Variants in RGS21 observed in about 807,000 individuals in gnomAD.
The protein encoded by RGS21 is regulator of G-protein signalling 21.
Under a neutral mutation model 18.7 loss-of-function variants are expected in RGS21, and 19 were observed. The ratio of observed to expected loss-of-function variants is 1.01; its 90% CI spans 0.71 to 1.49. The LOEUF (loss-of-function observed/expected upper bound fraction) is 1.49, where lower values mean the gene tolerates loss of function less well. RGS21 is among the 40% of genes most tolerant of loss of function. RGS21 has a pLI of 0.00. For synonymous variants in RGS21, 56 were observed against 57.8 expected (o/e 0.97, Z 0.14); for missense variants, 194 against 176.8 (o/e 1.10, Z -0.55).
At chr1:192,346,879 T>G (rs977517404) in intron 2 of RGS21, among the ~76,000 whole-genome samples, 1 of 152,136 alleles carries the variant, frequency 6.6e-6, no homozygotes, top group Non-Finnish European at 1.5e-5. Context: ...TTGAACTCTT[T>G]TGAGATGCAT....
intron 1 of RGS21, among the ~76,000 whole-genome samples, chr1:192,320,319 T>C (rs943518406): frequency 5.9e-5 from 9 of 152,070 alleles, no homozygotes; most frequent in Non-Finnish European, 1.2e-4. Flanking sequence ...TATCACACAA[T>C]GACATTTGTT....
At chr1:192,321,668 A>T (rs1658499786) in intron 1 of RGS21, among the ~76,000 whole-genome samples, 1 of 152,032 alleles carries the variant, frequency 6.6e-6, no homozygotes, top group Non-Finnish European at 1.5e-5. Flanking sequence ...TTATAATATG[A>T]GCATAAGTTA....
chr1:192,350,221 CA>C (rs1659020683), intron 3 of RGS21, among the ~76,000 whole-genome samples: 1 of 152,144 alleles, frequency 6.6e-6, no homozygotes, highest in African/African-American at 2.4e-5. Context: ...TAACCTTTTG[CA>C]ATGACTTGTT....
chr1:192,339,584 A>C (rs1267452703), intron 1 of RGS21, among the ~76,000 whole-genome samples: 1 of 151,990 alleles, frequency 6.6e-6, no homozygotes, highest in East Asian at 1.9e-4. Context: ...CCAGATTTGA[A>C]ATCTGTTCCT....
Position 192,347,329 on chromosome 1 carries a change from T to G in RGS21, c.28T>G (p.Ser10Ala), listed in dbSNP as rs1158723261. 7 of 1,606,530 alleles carry G rather than the reference T, an allele frequency of 4.4e-6. No individual in the cohort carries two copies. Among genetic ancestry groups the G allele is most frequent in the Non-Finnish European group, 6.0e-6 (7 of 1,174,012 alleles). ...CAAGGTTAGATGCTGTTTCTACAGG[T>G]CACCAACTGCGGAAACAATGACATG... MPVKCCFYRSPTAETMTWSE... is the reference protein window; with the variant it reads MPVKCCFYRAPTAETMTWSE... Residue 10 changes from serine (S) to alanine (A), a missense_variant, in exon 3 of 5, where the codon TCA becomes GCA. By Grantham distance (99) the Ser-to-Ala change is moderately conservative (BLOSUM62 1). Coordinates refer to ENST00000417209, the MANE Select transcript of RGS21 (RefSeq NM_001039152.3).
chr1:192,366,064 T>G lies in RGS21; in HGVS notation c.399T>G (p.Tyr133Ter). ...CTCGATTTCTGAAGTCAGAGATTTA[T>G]AAAAAACTGGTAAATAGCCAACAGG... The part of the protein sequence containing the change: ...SFPRFLKSEI[Y>*]KKLVNSQQVP... Residue 133 changes from tyrosine (Y) to a stop codon, truncating the protein, a stop_gained, in exon 5 of 5, where the codon TAT becomes TAG. Coordinates refer to ENST00000417209, the MANE Select transcript of RGS21 (RefSeq NM_001039152.3). LOFTEE classifies it high-confidence loss of function. The G allele has an allele frequency of 6.2e-7, 1 of 1,611,958 alleles. No homozygotes were observed. The highest frequency in any genetic ancestry group is 8.5e-7 in the Non-Finnish European group (1 of 1,178,804).
At chr1:192,340,530 A>G (rs989547448) in intron 1 of RGS21, among the ~76,000 whole-genome samples, 2 of 152,080 alleles carry the variant, frequency 1.3e-5, no homozygotes, top group Non-Finnish European at 2.9e-5. Flanking sequence ...TTTTAAAGAG[A>G]GGAGTTCCCT....
At chr1:192,343,139 T>TGA (rs1175384648) in intron 2 of RGS21, 92 bp downstream of exon 2, 1 of 1,197,980 alleles carries the variant, frequency 8.3e-7, no homozygotes, top group African/African-American at 1.5e-5. Context: ...ATTTCCTTCA[T>TGA]TTATGATAAA....
At chr1:192,324,723 G>GA (rs1205198112) in intron 1 of RGS21, among the ~76,000 whole-genome samples, 8 of 151,824 alleles carry the variant, frequency 5.3e-5, no homozygotes, top group African/African-American at 1.9e-4. Flanking sequence ...TCCATCCATA[G>GA]AAAAAATTAC....
intron 1 of RGS21, among the ~76,000 whole-genome samples, chr1:192,337,017 A>G (rs1658777672): frequency 6.6e-6 from 1 of 152,148 alleles, no homozygotes; most frequent in Non-Finnish European, 1.5e-5. Context: ...TTTAATTTAT[A>G]TCATGGCTTT....
chr1:192,351,917 C>G (rs529410486), intron 3 of RGS21, 130 bp from the exon 4 acceptor site: 82 of 543,636 alleles, frequency 1.5e-4, no homozygotes, highest in Non-Finnish European at 2.5e-4. Flanking sequence ...ACATACATTA[C>G]ATTTAGATGC....
Position 192,366,151 on chromosome 1 carries a change from T to A in RGS21, c.*27T>A. 9.8e-7 allele frequency: 1 copy of A among 1,019,914 alleles called. No individual in the cohort carries two copies. Among genetic ancestry groups the A allele is most frequent in the Non-Finnish European group, 1.5e-6 (1 of 661,310 alleles). 63.2% of individuals were successfully genotyped at this position (1,019,914 alleles called of 1,614,324 possible). ...GAAGGTAAAAGTTAACTAATCACTA[T>A]ACTTCAGGGCTACAATATTTTAAAT... On this transcript the variant is annotated 3_prime_UTR_variant, in exon 5 of 5. Transcript: ENST00000417209.
At chr1:192,348,929 T>C in intron 3 of RGS21, among the ~76,000 whole-genome samples, 1 of 151,918 alleles carries the variant, frequency 6.6e-6, no homozygotes, top group Middle Eastern at 3.4e-3. Flanking sequence ...TATAAACATA[T>C]TATTTCTAAA....
intron 4 of RGS21, among the ~76,000 whole-genome samples, chr1:192,361,866 A>C (rs536598722): frequency 6.6e-6 from 1 of 152,196 alleles, no homozygotes; most frequent in Non-Finnish European, 1.5e-5. Context: ...GAGATTTTTA[A>C]ACCAAAATTG....
rs552702653 is a variant in RGS21, at chr1:192,338,290, A to G, written c.-60-4687A>G. Among the ~76,000 whole-genome samples the G allele has an allele frequency of 9.9e-5, 15 of 152,270 alleles. No individual in the cohort carries two copies. In the South Asian group the frequency reaches 2.7e-3, roughly 27 times the overall value. On this transcript the variant is annotated intron_variant, in intron 1 of 4. Transcript: ENST00000417209. The stretch of plus-strand genomic sequence containing the variant: ...CAGTAACTTGAGGCAAAGCAGAATC[A>G]AGAAAATATAATTTTCTCTTCCCAT...
chr1:192,329,712 C>T (rs1658618288), intron 1 of RGS21, among the ~76,000 whole-genome samples: 2 of 151,956 alleles, frequency 1.3e-5, no homozygotes, highest in South Asian at 4.1e-4. Context: ...AATCTTACTG[C>T]CTCAGGCAAT....
intron 4 of RGS21, among the ~76,000 whole-genome samples, chr1:192,357,674 C>T (rs1308553919): frequency 6.6e-6 from 1 of 151,810 alleles, no homozygotes; most frequent in Non-Finnish European, 1.5e-5. Context: ...CTAGATCTAC[C>T]ACTAATTTGA....
At chr1:192,357,796 A>T (rs1302393881) in intron 4 of RGS21, among the ~76,000 whole-genome samples, 1 of 152,042 alleles carries the variant, frequency 6.6e-6, no homozygotes, top group East Asian at 1.9e-4. Context: ...TTCTCTTCTC[A>T]TATTCTCTCT....
chr1:192,328,242 T>C (rs1658597121), intron 1 of RGS21, among the ~76,000 whole-genome samples: 1 of 152,188 alleles, frequency 6.6e-6, no homozygotes, highest in South Asian at 2.1e-4. Context: ...AGACGTATGA[T>C]ACAAGACTAT....
Sources: allele counts gnomAD v4.1 joint callset (sites outside exome capture counted in the v4.1 genomes callset), GRCh38; gene constraint gnomAD v4.1.1; transcripts MANE v1.5; gene names NCBI Gene and HGNC (gene_info 2026-07-23, HGNC 2026-07-21).